Variants in MICU3 observed in about 807,000 individuals in gnomAD.
MICU3 encodes the protein calcium uptake protein 3, mitochondrial.
MICU3 carries 62 observed loss-of-function variants against 66.5 expected under a neutral mutation model. The ratio of observed to expected loss-of-function variants is 0.93; its 90% CI spans 0.76 to 1.15. The LOEUF is 1.15. MICU3 is among the 50% of genes most tolerant of loss of function. The pLI, the probability that MICU3 is intolerant of heterozygous loss-of-function variation, is 0.00. For synonymous variants in MICU3, 308 were observed against 240.7 expected, an observed-to-expected ratio of 1.28 and a Z score of -2.59; for missense variants, 779 against 664.4, an observed-to-expected ratio of 1.17 and a Z score of -1.90.
the MICU3 span, among the ~76,000 whole-genome samples, chr8:17,130,281 T>C: frequency 6.6e-6 from 1 of 152,206 alleles, no homozygotes; most frequent in South Asian, 2.1e-4. Flanking sequence ...TCCCAGCACT[T>C]TGGGGGACTG....
chr8:17,080,902 T>C (rs916663313), intron 4 of MICU3, among the ~76,000 whole-genome samples: 5 of 152,198 alleles, frequency 3.3e-5, no homozygotes, highest in African/African-American at 1.2e-4. Flanking sequence ...CTATCTGATA[T>C]CTAAATAAGT....
intron 2 of MICU3, among the ~76,000 whole-genome samples, chr8:17,067,105 C>T (rs567745580): frequency 1.4e-5 from 2 of 143,420 alleles, no homozygotes; most frequent in Non-Finnish European, 3.2e-5. Context: ...GGAACAATCA[C>T]AAAAGATCAA....
At chr8:17,088,748 TA>T (rs1799735122) in intron 7 of MICU3, among the ~76,000 whole-genome samples, 1 of 151,752 alleles carries the variant, frequency 6.6e-6, no homozygotes, top group South Asian at 2.1e-4. Context: ...TAAAGGGAGA[TA>T]AAAAAGAGAA....
At chr8:17,128,068 G>A in the MICU3 span, among the ~76,000 whole-genome samples, 1 of 152,054 alleles carries the variant, frequency 6.6e-6, no homozygotes, top group Non-Finnish European at 1.5e-5. Flanking sequence ...GGAGCCTGCG[G>A]GCTTTATGGA....
chr8:17,120,244 T>TC (rs1366517212), intron 14 of MICU3, 44 bp from the exon 15 acceptor site: 1 of 152,162 alleles, frequency 6.6e-6, no homozygotes, highest in Non-Finnish European at 1.5e-5. Context: ...CAGAATTATA[T>TC]CCTAAATAAA....
chr8:17,122,986 C>G (rs1252680090), downstream of MICU3, among the ~76,000 whole-genome samples: 4 of 151,910 alleles, frequency 2.6e-5, no homozygotes, highest in Non-Finnish European at 5.9e-5. Context: ...TCAAAATACA[C>G]TAGTTATTAT....
chr8:17,112,833 T>G (rs1260335521), intron 11 of MICU3, among the ~76,000 whole-genome samples: 1 of 152,200 alleles, frequency 6.6e-6, no homozygotes, highest in Non-Finnish European at 1.5e-5. Flanking sequence ...CATAAACTGG[T>G]GCAGAACCAC....
chr8:17,114,058 T>G, intron 11 of MICU3, 35 bp from the exon 12 acceptor site: 1 of 1,273,512 alleles, frequency 7.9e-7, no homozygotes, highest in South Asian at 1.6e-5. Flanking sequence ...AATTTGGCAA[T>G]ACTAAATGTA....
chr8:17,033,917 G>A lies in MICU3; in HGVS notation c.381+6257G>A, dbSNP rs78443164. Among the ~76,000 whole-genome samples, 1,352 of 152,256 alleles carry A rather than the reference G, an allele frequency of 8.9e-3. 16 individuals carry two copies. Among genetic ancestry groups the A allele is most frequent in the African/African-American group, 0.03 (1,230 of 41,520 alleles). On this transcript the variant is annotated intron_variant, in intron 1 of 14. Coordinates refer to ENST00000318063, the MANE Select transcript of MICU3 (RefSeq NM_181723.3). ...GCAGGTGATCCAGAAGATCTAGCTA[G>A]GATAACTGATGAAGGTGGTTACACT... is the stretch of plus-strand genomic sequence containing the variant.
At position 17,104,383 on chromosome 8, in the gene MICU3, T is replaced by C. The variant is rs777213150; in HGVS notation, c.985-8T>C. 1 of 1,348,368 alleles carries C rather than the reference T, an allele frequency of 7.4e-7. No homozygotes were observed. Among genetic ancestry groups the C allele is most frequent in the Non-Finnish European group, 9.7e-7 (1 of 1,025,686 alleles). The allele number at this position is 1,348,368 out of a possible 1,614,324, so 83.5% of individuals were successfully genotyped here. ...AAGCTAACTTTTAAATTGTGATTTT[T>C]TTTTAAGCGTGCTGATGACATCACA... On this transcript the variant is annotated splice_polypyrimidine_tract_variant and splice_region_variant and intron_variant, in intron 9 of 14. Transcript: ENST00000318063.
intron 7 of MICU3, among the ~76,000 whole-genome samples, chr8:17,090,091 C>G (rs1799886760): frequency 6.6e-6 from 1 of 151,938 alleles, no homozygotes; most frequent in African/African-American, 2.4e-5. Context: ...GATGAGAAAA[C>G]AGTCTTAGAG....
chr8:17,110,654 C>G (rs183060639), intron 11 of MICU3, among the ~76,000 whole-genome samples: 1 of 152,262 alleles, frequency 6.6e-6, no homozygotes, highest in Admixed American at 6.5e-5. Context: ...GCCCCGAACT[C>G]CTTGGCTCAA....
chr8:17,129,657 G>T, the MICU3 span, among the ~76,000 whole-genome samples: 1 of 152,122 alleles, frequency 6.6e-6, no homozygotes, highest in African/African-American at 2.4e-5. Flanking sequence ...GTGAACTATG[G>T]AACCACACAA....
intron 1 of MICU3, among the ~76,000 whole-genome samples, chr8:17,047,767 TGA>T (rs1394679667): frequency 6.6e-6 from 1 of 152,128 alleles, no homozygotes; most frequent in African/African-American, 2.4e-5. Flanking sequence ...CATAAGAGAC[TGA>T]GAGTTTACCA....
the MICU3 span, among the ~76,000 whole-genome samples, chr8:17,128,415 A>G: frequency 2.3e-3 from 355 of 152,372 alleles, 2 homozygotes; most frequent in African/African-American, 8.0e-3. Flanking sequence ...CAGAAAATGC[A>G]TATGTTGGAA....
chr8:17,094,387 T>C (rs1353489517), intron 8 of MICU3, among the ~76,000 whole-genome samples: 2 of 152,004 alleles, frequency 1.3e-5, no homozygotes, highest in Non-Finnish European at 2.9e-5. Context: ...TTTAAAGATA[T>C]TAGTCTGTTT....
chr8:17,047,990 C>G (rs1815377967), intron 1 of MICU3, among the ~76,000 whole-genome samples: 1 of 152,140 alleles, frequency 6.6e-6, no homozygotes, highest in South Asian at 2.1e-4. Flanking sequence ...TAGTGAACAA[C>G]TGATACGCAA....
intron 1 of MICU3, among the ~76,000 whole-genome samples, chr8:17,032,485 G>A (rs1007748262): frequency 4.6e-5 from 7 of 152,142 alleles, no homozygotes; most frequent in African/African-American, 1.7e-4. Flanking sequence ...GCCTTAAAAA[G>A]CTTCAAGCAA....
rs181166930 is a variant in MICU3, at chr8:17,082,465, G to T, written c.694+725G>T. 1.3e-5 allele frequency among the ~76,000 whole-genome samples: 2 copies of T among 152,040 alleles called. 1 individual carries two copies. Among genetic ancestry groups the T allele is most frequent in the Admixed American group, 1.3e-4 (2 of 15,254 alleles). On this transcript the variant is annotated intron_variant, in intron 5 of 14. Transcript: ENST00000318063. ...CTCTCTCTTTGTATCTCTTTACTGC[G>T]TTGCATATTCTTCATATCAGACTAT...
Sources: gnomAD v4.1 joint callset for allele counts (sites outside exome capture counted in the v4.1 genomes callset) on GRCh38, gnomAD v4.1.1 for gene constraint, MANE v1.5 for transcripts, NCBI Gene and HGNC (gene_info 2026-07-23, HGNC 2026-07-21) for gene names.